Variants in FAM163B observed in about 807,000 individuals in gnomAD.
FAM163B encodes family with sequence similarity 163 member B.
FAM163B carries 4 observed loss-of-function variants against 7.6 expected under a neutral mutation model. The observed-to-expected ratio is 0.52, with a 90% CI of 0.26 to 1.20. FAM163B has a LOEUF of 1.20. Among genes scored for constraint, FAM163B ranks in the 50% most tolerant of loss-of-function variants. The probability of loss-of-function intolerance (pLI) is 0.14; values close to 1 mark genes in which losing one functional copy is unlikely to be tolerated. For missense variants in FAM163B, 250 were observed against 243.0 expected, an observed-to-expected ratio of 1.03 and a Z score of -0.19; for synonymous variants, 120 against 111.6, an observed-to-expected ratio of 1.07 and a Z score of -0.47.
intron 1 of FAM163B, among the ~76,000 whole-genome samples, chr9:133,583,586 C>A (rs1466045336): frequency 6.6e-6 from 1 of 152,232 alleles, no homozygotes; most frequent in African/African-American, 2.4e-5. Flanking sequence ...GGGTCTGAGT[C>A]CTTCATCGGG....
At chr9:133,580,596 G>A (rs893571243) in intron 1 of FAM163B, among the ~76,000 whole-genome samples, 4 of 152,222 alleles carry the variant, frequency 2.6e-5, no homozygotes, top group African/African-American at 4.8e-5. Context: ...AAGCTTGCAC[G>A]TTTTTAAATT....
intron 1 of FAM163B, among the ~76,000 whole-genome samples, chr9:133,605,132 G>A (rs890605536): frequency 1.3e-5 from 2 of 152,250 alleles, no homozygotes; most frequent in Non-Finnish European, 2.9e-5. Flanking sequence ...AAGTGAGCAC[G>A]GGTCGGGGCT....
chr9:133,579,468 C>T, intron 2 of FAM163B, 39 bp from the exon 3 acceptor site: 1 of 1,523,208 alleles, frequency 6.6e-7, no homozygotes, highest in Non-Finnish European at 8.8e-7. Context: ...GCCGCCCGCT[C>T]CCACCCCAGA....
At chr9:133,591,692 G>A (rs1831555223) in intron 1 of FAM163B, among the ~76,000 whole-genome samples, 1 of 152,160 alleles carries the variant, frequency 6.6e-6, no homozygotes, top group African/African-American at 2.4e-5. Flanking sequence ...CAGCGGGCGC[G>A]GGGAGCACAC....
At chr9:133,604,158 C>T (rs117220039) in intron 1 of FAM163B, among the ~76,000 whole-genome samples, 53 of 152,328 alleles carry the variant, frequency 3.5e-4, no homozygotes, top group Non-Finnish European at 6.0e-4. Context: ...TTTCTATTCA[C>T]ACTGCACATC....
chr9:133,579,018 C>G lies in FAM163B; in HGVS notation c.*4G>C. On this transcript the variant is annotated 3_prime_UTR_variant, in exon 3 of 3. Transcript: ENST00000673969. ...AAGGCCAGGATCCCGGGGGCGGGCC[C>G]AGGTCACACGTCGGTGCTGATGCTG... 6.6e-7 allele frequency: 1 copy of G among 1,513,326 alleles called. No homozygotes were observed. The highest frequency in any genetic ancestry group is 8.8e-7 in the Non-Finnish European group (1 of 1,130,862). 93.7% of individuals were successfully genotyped at this position (1,513,326 alleles called of 1,614,324 possible). A position where few individuals can be genotyped will look rare whatever the true frequency, so the allele number is the denominator to read the frequency against.
In FAM163B at chr9:133,600,818, G is replaced by T. The variant is rs1055522363; in HGVS notation, c.-24+8259C>A. Among the ~76,000 whole-genome samples the T allele has an allele frequency of 6.6e-6, 1 of 152,096 alleles. No homozygotes were observed. ...ACTTTGGAAGATAACTAGTGTAATC[G>T]CAAGCTCAGTGAACAATCACAGACG... On this transcript the variant is annotated intron_variant, in intron 1 of 2. Transcript: ENST00000673969. This position sits in a 1 kb window ranked among gnomAD's most constrained non-coding sequence, Gnocchi z 4.9.
rs1831723760 is a variant in FAM163B, at chr9:133,601,097, A to G, written c.-24+7980T>C. Among the ~76,000 whole-genome samples the G allele has an allele frequency of 6.6e-6, 1 of 151,938 alleles. No homozygotes were observed. The highest frequency in any genetic ancestry group is 2.4e-5 in the African/African-American group (1 of 41,356). On this transcript the variant is annotated intron_variant, in intron 1 of 2. Transcript: ENST00000673969. The surrounding 1 kb of genome is among the most constrained non-coding windows in gnomAD (Gnocchi z 4.1). ...GGGCAGCAGAGCCTGTGAGCTGACA[A>G]CCCTTCTTCCATCCCTCACTCTACT... is the stretch of plus-strand genomic sequence containing the variant.
chr9:133,587,049 G>A (rs1831450140), intron 1 of FAM163B, among the ~76,000 whole-genome samples: 1 of 152,192 alleles, frequency 6.6e-6, no homozygotes, highest in Non-Finnish European at 1.5e-5. Context: ...ATTTTCTAGG[G>A]AGTAAACTGA....
At chr9:133,585,602 C>G (rs1346948655) in intron 1 of FAM163B, among the ~76,000 whole-genome samples, 1 of 152,264 alleles carries the variant, frequency 6.6e-6, no homozygotes, top group Non-Finnish European at 1.5e-5. Flanking sequence ...CCTACATCCT[C>G]GGCACTGGCC....
Position 133,580,114 on chromosome 9 carries a change from C to G in FAM163B, c.93+17G>C, listed in dbSNP as rs915989355. On this transcript the variant is annotated intron_variant, in intron 2 of 2. Transcript: ENST00000673969. Reference sequence around the variant, plus strand: ...GGGCCTCCCTGCCCTGTCCCCTTCCCCGCCGCCCGGGAATACCTGGAGCCG... The same window carrying G: ...GGGCCTCCCTGCCCTGTCCCCTTCCGCGCCGCCCGGGAATACCTGGAGCCG... The G allele has an allele frequency of 8.5e-4, 1,364 of 1,607,590 alleles. 10 individuals are homozygous for G. In the African/African-American group the frequency reaches 0.017, roughly 20 times the overall value.
intron 1 of FAM163B, among the ~76,000 whole-genome samples, chr9:133,594,265 A>G (rs3025313): frequency 0.78 from 119,151 of 152,096 alleles, 47,458 homozygotes; most frequent in African/African-American, 0.93. Context: ...GGTCCCGAAC[A>G]TCTGATGTCC....
chr9:133,589,240 A>G (rs1831498444), intron 1 of FAM163B, among the ~76,000 whole-genome samples: 1 of 152,170 alleles, frequency 6.6e-6, no homozygotes. Flanking sequence ...CTTAATAATA[A>G]TAAGCACAGG....
chr9:133,577,647 T>C lies in FAM163B; in HGVS notation c.*1375A>G, dbSNP rs1300136097. Among the ~76,000 whole-genome samples, 2 of 152,138 alleles carry C rather than the reference T, an allele frequency of 1.3e-5. No individual in the cohort carries two copies. The highest frequency in any genetic ancestry group is 1.5e-5 in the Non-Finnish European group (1 of 68,014). On this transcript the variant is annotated 3_prime_UTR_variant, in exon 3 of 3. Coordinates refer to ENST00000673969, the MANE Select transcript of FAM163B (RefSeq NM_001080515.3). ...AGAGGGGCTGCCCCGGCCCTGGGGC[T>C]CCATGGCAGGGCACAAAAGGAGAGG... is the stretch of plus-strand genomic sequence containing the variant.
chr9:133,582,089 T>C (rs1831364567), intron 1 of FAM163B, among the ~76,000 whole-genome samples: 3 of 152,174 alleles, frequency 2.0e-5, no homozygotes, highest in Admixed American at 1.3e-4. Flanking sequence ...AGAGGTTCCA[T>C]TCCTCCCTTT....
At chr9:133,590,469 C>T (rs911227593) in intron 1 of FAM163B, among the ~76,000 whole-genome samples, 10 of 152,056 alleles carry the variant, frequency 6.6e-5, no homozygotes, top group African/African-American at 1.9e-4. Flanking sequence ...GCACAGCCGG[C>T]GCAGGCACTT....
rs878871719 is a variant in FAM163B at position 133,606,029 on chromosome 9, G to A, written c.-24+3048C>T. ...GAGCCTGGTTCCTGTGGACTGCGGCGGAAAGCCCAACCACTGAGCAGGGCT... is the reference window on the plus strand; with the variant it reads ...GAGCCTGGTTCCTGTGGACTGCGGCAGAAAGCCCAACCACTGAGCAGGGCT... On this transcript the variant is annotated intron_variant, in intron 1 of 2. Coordinates refer to ENST00000673969, the MANE Select transcript of FAM163B (RefSeq NM_001080515.3). The surrounding 1 kb of genome is among the most constrained non-coding windows in gnomAD (Gnocchi z 4.0). Among the ~76,000 whole-genome samples, 18 of 152,274 alleles carry A rather than the reference G, an allele frequency of 1.2e-4. No individual in the cohort carries two copies. The highest frequency in any genetic ancestry group is 8.5e-4 in the Admixed American group (13 of 15,296).
At position 133,600,906 on chromosome 9, in the gene FAM163B, C is replaced by T. The variant is rs994458446; in HGVS notation, c.-24+8171G>A. Among the ~76,000 whole-genome samples the T allele has an allele frequency of 6.6e-6, 1 of 152,166 alleles. No homozygotes were observed. The highest frequency in any genetic ancestry group is 6.5e-5 in the Admixed American group (1 of 15,284). On this transcript the variant is annotated intron_variant, in intron 1 of 2. Transcript: ENST00000673969. The surrounding 1 kb of genome is among the most constrained non-coding windows in gnomAD (Gnocchi z 4.9). ...TCCAAGGCCATTAACTCAACTCTCC[C>T]TTGGTAGGGGGTAGGGGGGGAGCTT...
Position 133,577,506 on chromosome 9 carries a change from G to A in FAM163B, c.*1516C>T, listed in dbSNP as rs1831270702. Among the ~76,000 whole-genome samples the A allele has an allele frequency of 6.6e-6, 1 of 152,240 alleles. No individual in the cohort carries two copies. The highest frequency in any genetic ancestry group is 1.5e-5 in the Non-Finnish European group (1 of 68,030). Reference sequence around the variant, plus strand: ...CGTTCCCCCGACGCCTCTGGAAACTGGCCATTTCGTTTTTGAGTAAGGGCA... The same window carrying A: ...CGTTCCCCCGACGCCTCTGGAAACTAGCCATTTCGTTTTTGAGTAAGGGCA... On this transcript the variant is annotated 3_prime_UTR_variant, in exon 3 of 3. Transcript: ENST00000673969.
Sources: allele counts gnomAD v4.1 joint callset (sites outside exome capture counted in the v4.1 genomes callset), GRCh38; gene constraint gnomAD v4.1.1; non-coding constraint Gnocchi (gnomAD v3.1); transcripts MANE v1.5; gene names NCBI Gene and HGNC (gene_info 2026-07-23, HGNC 2026-07-21).